Variants in PCDHGA10 observed in about 807,000 individuals in gnomAD.
PCDHGA10 encodes the protein protocadherin gamma subfamily A, 10, also known as protocadherin gamma-A10.
In PCDHGA10, 42 loss-of-function variants were observed where a neutral mutation model predicts 59.5. The observed-to-expected ratio is 0.71, with a 90% confidence interval of 0.55 to 0.91. The LOEUF (loss-of-function observed/expected upper bound fraction) is 0.91, where lower values mean the gene tolerates loss of function less well. Ranked by LOEUF, PCDHGA10 falls within the 40% of genes least tolerant of loss-of-function variation. PCDHGA10 has a pLI of 0.00. For missense variants in PCDHGA10, 1,111 were observed against 1,198.2 expected (o/e 0.93, Z 1.07); for synonymous variants, 511 against 517.2 (o/e 0.99, Z 0.16).
At chr5:141,428,618 T>C (rs554092834) in intron 1 of PCDHGA10, 1 of 206,012 alleles carries the variant, frequency 4.9e-6, no homozygotes, top group African/African-American at 2.3e-5. Context: ...AATAACAAGA[T>C]AAGCTCTAAC....
rs760680204 is a variant in PCDHGA10, at chr5:141,477,505, CG to C, written c.2437-17301del. ...CACAATCTTCTCAATCTTCCTACGA[CG>C]TTTACATTGAAGAAAACAACCTCCC... On this transcript the variant is annotated intron_variant, in intron 1 of 3. Coordinates refer to ENST00000398610, the MANE Select transcript of PCDHGA10 (RefSeq NM_018913.3). The surrounding 1 kb of genome is among the most constrained non-coding windows in gnomAD (Gnocchi z 4.9). The C allele has an allele frequency of 1.2e-5, 19 of 1,614,008 alleles. No individual in the cohort carries two copies. The highest frequency in any genetic ancestry group is 8.5e-7 in the Non-Finnish European group (1 of 1,180,018).
chr5:141,496,152 C>T (rs771462960), intron 2 of PCDHGA10, among the ~76,000 whole-genome samples: 2 of 152,080 alleles, frequency 1.3e-5, no homozygotes, highest in Non-Finnish European at 1.5e-5. Flanking sequence ...GATCGCAGCT[C>T]TCCACCAGAC....
At chr5:141,473,939 C>T (rs1301939679) in intron 1 of PCDHGA10, among the ~76,000 whole-genome samples, 2 of 152,068 alleles carry the variant, frequency 1.3e-5, no homozygotes, top group African/African-American at 2.4e-5. Context: ...TGCAGTAGCT[C>T]AGGCCTGTAG....
intron 1 of PCDHGA10, among the ~76,000 whole-genome samples, chr5:141,482,530 C>CGAAAAAAA (rs2099566141): frequency 1.3e-5 from 1 of 76,562 alleles, no homozygotes; most frequent in African/African-American, 4.8e-5. Context: ...GACAGACATG[C>CGAAAAAAA]AAAAAAAAAA....
chr5:141,490,229 T>C lies in PCDHGA10; in HGVS notation c.2437-4578T>C. The C allele has an allele frequency of 6.2e-7, 1 of 1,614,198 alleles. No individual in the cohort carries two copies. Among genetic ancestry groups the C allele is most frequent in the Non-Finnish European group, 8.5e-7 (1 of 1,180,034 alleles). On this transcript the variant is annotated intron_variant, in intron 1 of 3. Coordinates refer to ENST00000398610, the MANE Select transcript of PCDHGA10 (RefSeq NM_018913.3). The surrounding 1 kb of genome is among the most constrained non-coding windows in gnomAD (Gnocchi z 5.4). ...GCCCGTGACCAGGGACAGCCTGCCA[T>C]GGAGGGCCACTGTGTGATTCAAGTG... is the stretch of plus-strand genomic sequence containing the variant.
chr5:141,456,884 A>G (rs1448469695), intron 1 of PCDHGA10, among the ~76,000 whole-genome samples: 1 of 151,974 alleles, frequency 6.6e-6, no homozygotes, highest in East Asian at 1.9e-4. Flanking sequence ...AATCGCTTGA[A>G]CCCGGGAGGC....
chr5:141,478,481 C>A, intron 1 of PCDHGA10: 1 of 1,613,576 alleles, frequency 6.2e-7, no homozygotes, highest in South Asian at 1.1e-5. Flanking sequence ...CCAGAACACG[C>A]TGCGGAGCTG....
chr5:141,454,351 C>T (rs1406631649), intron 1 of PCDHGA10, among the ~76,000 whole-genome samples: 2 of 152,152 alleles, frequency 1.3e-5, no homozygotes, highest in Non-Finnish European at 2.9e-5. Flanking sequence ...GAAGTTGATC[C>T]AAACTTAGAA....
intron 1 of PCDHGA10, chr5:141,427,833 G>T (rs1345567011): frequency 6.5e-7 from 1 of 1,540,964 alleles, no homozygotes; most frequent in Non-Finnish European, 8.9e-7. Flanking sequence ...CGCGCAGCGT[G>T]CCTTCGACCA....
chr5:141,427,568 T>A (rs1260622772), intron 1 of PCDHGA10: 1 of 660,576 alleles, frequency 1.5e-6, no homozygotes, highest in Admixed American at 2.1e-5. Flanking sequence ...AGGGCAAGCC[T>A]CCGCTCTCAT....
At chr5:141,483,329 A>C (rs1463046335) in intron 1 of PCDHGA10, among the ~76,000 whole-genome samples, 3 of 152,182 alleles carry the variant, frequency 2.0e-5, no homozygotes, top group Non-Finnish European at 2.9e-5. Flanking sequence ...GGAGGCAAAG[A>C]GATCTTATCT....
rs1326296096 is a variant in PCDHGA10, at chr5:141,505,460, A to G, written c.2563A>G (p.Met855Val). The change falls in exon 3 of 4, where the codon ATG becomes GTG. Residue 855 changes from methionine to valine, a missense_variant. Transcript: ENST00000398610. Reference protein sequence around the residue: ...NQFDTEMLQAMILASASEAAD... With the variant: ...NQFDTEMLQAVILASASEAAD... ...GTTTGACACAGAGATGCTGCAAGCC[A>G]TGATCTTGGCGTCCGCCAGTGGTAA... 2 of 1,614,070 alleles carry G rather than the reference A, an allele frequency of 1.2e-6. No homozygotes were observed. The highest frequency in any genetic ancestry group is 1.3e-5 in the African/African-American group (1 of 74,942).
At position 141,423,457 on chromosome 5, in the gene PCDHGA10, G is replaced by A. The variant is rs148481587; in HGVS notation, c.2436+7846G>A. 6.9e-5 allele frequency: 111 copies of A among 1,614,010 alleles called. 2 individuals carry two copies. The South Asian group carries it at 9.3e-4, about 14-fold the overall frequency. ...TATGCCCACGTCACATTTTGTAGGC[G>A]TGGACGGGGTACAGGCTTTCCTGCA... On this transcript the variant is annotated intron_variant, in intron 1 of 3. Coordinates refer to ENST00000398610, the MANE Select transcript of PCDHGA10 (RefSeq NM_018913.3).
In PCDHGA10 at chr5:141,420,077, C is replaced by T. The variant is rs760626443; in HGVS notation, c.2436+4466C>T. The T allele has an allele frequency of 2.9e-5, 47 of 1,613,782 alleles. No homozygotes were observed. Among genetic ancestry groups the T allele is most frequent in the Admixed American group, 1.0e-4 (6 of 60,004 alleles). The stretch of plus-strand genomic sequence containing the variant: ...CTGCTCCAAGTCCGGACCTGTGGGT[C>T]CCCCCAACTACAGTGAGGGAACGTT... On this transcript the variant is annotated intron_variant, in intron 1 of 3. Coordinates refer to ENST00000398610, the MANE Select transcript of PCDHGA10 (RefSeq NM_018913.3).
In PCDHGA10 at chr5:141,413,914, A is replaced by G. The variant is rs776089620; in HGVS notation, c.739A>G (p.Thr247Ala). Residue 247 changes from threonine to alanine, a missense_variant, in exon 1 of 4, where the codon ACC (threonine) becomes GCC (alanine). Coordinates refer to ENST00000398610, the MANE Select transcript of PCDHGA10 (RefSeq NM_018913.3). Reference protein sequence around the residue: ...FDANDNAPVFTLPEYRVSVPE... With the variant: ...FDANDNAPVFALPEYRVSVPE... ...TGCAAATGACAACGCGCCGGTCTTC[A>G]CCTTGCCAGAATACCGAGTGAGTGT... The G allele has an allele frequency of 8.1e-6, 13 of 1,613,234 alleles. No homozygotes were observed.
intron 1 of PCDHGA10, chr5:141,441,940 G>T (rs2098285664): frequency 5.9e-6 from 2 of 341,298 alleles, no homozygotes; most frequent in Non-Finnish European, 1.1e-5. Flanking sequence ...GTCCTACCAC[G>T]TGCTGCAGGC....
At chr5:141,421,523 C>G in intron 1 of PCDHGA10, 1 of 1,614,034 alleles carries the variant, frequency 6.2e-7, no homozygotes, top group Non-Finnish European at 8.5e-7. Context: ...CTCTGTGAGA[C>G]GGTGTCCTCC....
chr5:141,426,848 C>A (rs1379697529), intron 1 of PCDHGA10: 1 of 456,670 alleles, frequency 2.2e-6, no homozygotes, highest in Non-Finnish European at 4.4e-6. Context: ...AAGGCAAGAA[C>A]GCTCCAGAAT....
rs1376914747 is a variant in PCDHGA10, at chr5:141,432,008, A to T, written c.2436+16397A>T. On this transcript the variant is annotated intron_variant, in intron 1 of 3. Coordinates refer to ENST00000398610, the MANE Select transcript of PCDHGA10 (RefSeq NM_018913.3). This position sits in a 1 kb window ranked among gnomAD's most constrained non-coding sequence, Gnocchi z 6.0. ...AGTCTTGGATAGGGAACAGGTTCCT[A>T]GCTACAACATCACAGTGACCGCCAC... 1 of 1,614,200 alleles carries T rather than the reference A, an allele frequency of 6.2e-7. No homozygotes were observed. The highest frequency in any genetic ancestry group is 2.2e-5 in the East Asian group (1 of 44,888).
Sources: allele counts gnomAD v4.1 joint callset (sites outside exome capture counted in the v4.1 genomes callset), GRCh38; gene constraint gnomAD v4.1.1; non-coding constraint Gnocchi (gnomAD v3.1); transcripts MANE v1.5; gene names NCBI Gene and HGNC (gene_info 2026-07-23, HGNC 2026-07-21).